The following TRAF2 variants were observed in gnomAD, a reference collection of about 807,000 sequenced individuals.
The protein encoded by TRAF2 is TNF receptor-associated factor 2.
In TRAF2, 6 loss-of-function variants were observed where a neutral mutation model predicts 55.6. The ratio of observed to expected loss-of-function variants is 0.11; its 90% CI spans 0.06 to 0.21. The LOEUF (loss-of-function observed/expected upper bound fraction) is 0.21, where lower values mean the gene tolerates loss of function less well. Among genes scored for constraint, TRAF2 ranks in the 10% least tolerant of loss-of-function variants. The pLI is 1.00. For missense variants in TRAF2, 561 were observed against 684.5 expected, an observed-to-expected ratio of 0.82 and a Z score of 2.01; for synonymous variants, 329 against 276.3, an observed-to-expected ratio of 1.19 and a Z score of -1.89.
At chr9:136,919,021 C>T (rs942898325) in intron 7 of TRAF2, among the ~76,000 whole-genome samples, 1 of 106,078 alleles carries the variant, frequency 9.4e-6, no homozygotes, top group Non-Finnish European at 2.1e-5. Flanking sequence ...AGGTGTGAGC[C>T]ACTGCACCTG....
At chr9:136,917,308 C>T (rs916972713) in intron 7 of TRAF2, among the ~76,000 whole-genome samples, 6 of 152,238 alleles carry the variant, frequency 3.9e-5, no homozygotes, top group Non-Finnish European at 2.9e-5. Flanking sequence ...CTGCCCTGCT[C>T]GCTGGCCTGA....
At chr9:136,907,744 C>T (rs905321881) in intron 4 of TRAF2, among the ~76,000 whole-genome samples, 9 of 152,114 alleles carry the variant, frequency 5.9e-5, no homozygotes, top group Admixed American at 3.3e-4. Flanking sequence ...GACCCGCTGG[C>T]GCAGAGCAGG....
intron 10 of TRAF2, among the ~76,000 whole-genome samples, chr9:136,925,406 TTAGTC>T (rs1244784295): frequency 2.0e-5 from 3 of 152,256 alleles, no homozygotes; most frequent in Non-Finnish European, 4.4e-5. Flanking sequence ...GTGGTAAGCT[TTAGTC>T]TAGGACTCCA....
chr9:136,921,429 G>T (rs960101694), intron 9 of TRAF2, among the ~76,000 whole-genome samples: 13 of 152,176 alleles, frequency 8.5e-5, no homozygotes, highest in Non-Finnish European at 8.8e-5. Context: ...GGGGTAGGGG[G>T]GTTGGGCCGG....
chr9:136,898,879 G>T lies in TRAF2; in HGVS notation c.139G>T (p.Ala47Ser). ...AAACGTCCTCCGCAGGCCCTTCCAG[G>T]CGCAGTGTGGCCACCGGTACTGCTC... Reference protein sequence around the residue: ...CRNVLRRPFQAQCGHRYCSFC... With the variant: ...CRNVLRRPFQSQCGHRYCSFC... The change falls in exon 2 of 11, where the codon GCG (alanine) becomes TCG (serine). Residue 47 changes from alanine (A) to serine (S), a missense_variant. By Grantham distance (99) the Ala-to-Ser change is moderately conservative. Transcript: ENST00000247668. 6.2e-7 allele frequency: 1 copy of T among 1,612,928 alleles called. No homozygotes were observed.
chr9:136,908,748 C>T (rs1210258432), intron 5 of TRAF2, among the ~76,000 whole-genome samples: 1 of 151,884 alleles, frequency 6.6e-6, no homozygotes, highest in Non-Finnish European at 1.5e-5. Context: ...CGGGCGCCTG[C>T]AGTCCCAGCT....
intron 9 of TRAF2, among the ~76,000 whole-genome samples, chr9:136,921,644 AG>A (rs1411430404): frequency 6.6e-6 from 1 of 151,090 alleles, no homozygotes; most frequent in Non-Finnish European, 1.5e-5. Flanking sequence ...GATCCCTCCC[AG>A]GTTCATTTTC....
intron 1 of TRAF2, among the ~76,000 whole-genome samples, chr9:136,889,346 C>T (rs1273231741): frequency 1.3e-5 from 2 of 150,254 alleles, no homozygotes; most frequent in Non-Finnish European, 2.9e-5. Flanking sequence ...TGCAATGGTG[C>T]GATCTCGGCT....
chr9:136,890,104 G>A lies in TRAF2; in HGVS notation c.-29+3563G>A, dbSNP rs146576313. On this transcript the variant is annotated intron_variant, in intron 1 of 10. Transcript: ENST00000247668. The stretch of plus-strand genomic sequence containing the variant: ...GTCCCCACCGCACGCTTGTTCAGCC[G>A]GTCACCGCGTGTGAGTCCCCACTGC... 8.4e-5 allele frequency among the ~76,000 whole-genome samples: 11 copies of A among 130,260 alleles called. 1 individual carries two copies. Among genetic ancestry groups the A allele is most frequent in the Admixed American group, 8.2e-4 (10 of 12,150 alleles). The allele number at this position is 130,260 out of a possible 152,430, so 85.5% of individuals were successfully genotyped here. A position where few individuals can be genotyped will look rare whatever the true frequency, so the allele number is the denominator to read the frequency against.
intron 2 of TRAF2, among the ~76,000 whole-genome samples, chr9:136,899,181 T>C (rs1318793695): frequency 2.6e-5 from 4 of 152,244 alleles, no homozygotes; most frequent in African/African-American, 4.8e-5. Flanking sequence ...TATCTTTTTA[T>C]TATTTTTAAT....
intron 6 of TRAF2, among the ~76,000 whole-genome samples, chr9:136,915,672 G>A (rs1023015190): frequency 1.3e-5 from 2 of 152,094 alleles, no homozygotes; most frequent in African/African-American, 4.8e-5. Context: ...TCCTATGGGT[G>A]GCAAGGGACA....
At chr9:136,900,306 G>A in intron 3 of TRAF2, 116 bp from the exon 4 acceptor site, 1 of 629,418 alleles carries the variant, frequency 1.6e-6, no homozygotes, top group Non-Finnish European at 2.7e-6. Context: ...CTCCTGGAGT[G>A]GCCTGGAAAG....
At chr9:136,919,802 A>G (rs1850340870) in intron 7 of TRAF2, among the ~76,000 whole-genome samples, 1 of 150,698 alleles carries the variant, frequency 6.6e-6, no homozygotes. Flanking sequence ...TGCAGCGTCA[A>G]CCTCCTGGGC....
intron 3 of TRAF2, 103 bp downstream of exon 3, chr9:136,899,775 A>G: frequency 8.6e-7 from 1 of 1,161,488 alleles, no homozygotes; most frequent in South Asian, 1.3e-5. Context: ...CTGTAATCCC[A>G]GCACTTTGGG....
At chr9:136,895,841 CTG>C (rs1280484510) in intron 1 of TRAF2, among the ~76,000 whole-genome samples, 1 of 103,246 alleles carries the variant, frequency 9.7e-6, no homozygotes, top group African/African-American at 4.2e-5. Context: ...GCGTAAGACT[CTG>C]TTTAAGGAAA....
intron 9 of TRAF2, chr9:136,922,426 C>T (rs889195919): frequency 1.3e-5 from 2 of 152,468 alleles, no homozygotes; most frequent in African/African-American, 2.4e-5. Flanking sequence ...CTGCACTAAG[C>T]GTTGGGTGAA....
chr9:136,907,880 G>T (rs905288513), intron 4 of TRAF2, among the ~76,000 whole-genome samples, 190 bp from the exon 5 acceptor site: 1 of 152,006 alleles, frequency 6.6e-6, no homozygotes, highest in Non-Finnish European at 1.5e-5. Context: ...TGGAGACGAG[G>T]ACACACTGAT....
At chr9:136,909,050 AAG>A (rs1436740919) in intron 5 of TRAF2, among the ~76,000 whole-genome samples, 3 of 150,558 alleles carry the variant, frequency 2.0e-5, no homozygotes, top group Non-Finnish European at 3.0e-5. Context: ...AAAAAAAAAA[AAG>A]AAAAAAAATT....
chr9:136,884,927 G>A (rs1482424654), upstream of TRAF2, among the ~76,000 whole-genome samples: 9 of 152,240 alleles, frequency 5.9e-5, no homozygotes, highest in Non-Finnish European at 1.3e-4. Context: ...GCAGCCAGGA[G>A]GAGACGCCTT....
Sources: gnomAD v4.1 joint callset for allele counts (sites outside exome capture counted in the v4.1 genomes callset) on GRCh38, gnomAD v4.1.1 for gene constraint, MANE v1.5 for transcripts, NCBI Gene and HGNC (gene_info 2026-07-23, HGNC 2026-07-21) for gene names.